Variants in FBLN2 observed in about 807,000 individuals in gnomAD.
The protein encoded by FBLN2 is fibulin-2.
Under a neutral mutation model 123.7 loss-of-function variants are expected in FBLN2, and 81 were observed. That is an observed-to-expected ratio of 0.65 (90% CI 0.55 to 0.79). The LOEUF (loss-of-function observed/expected upper bound fraction) is 0.79, where lower values mean the gene tolerates loss of function less well. Among genes scored for constraint, FBLN2 ranks in the 30% least tolerant of loss-of-function variants. FBLN2 has a pLI of 0.00. For synonymous variants in FBLN2, 699 were observed against 701.4 expected, an observed-to-expected ratio of 1.00 and a Z score of 0.05; for missense variants, 1,603 against 1,681.3, an observed-to-expected ratio of 0.95 and a Z score of 0.81.
chr3:13,555,935 T>C (rs973155834), intron 1 of FBLN2, among the ~76,000 whole-genome samples: 7 of 152,234 alleles, frequency 4.6e-5, no homozygotes, highest in African/African-American at 1.4e-4. Context: ...AACAGTCATC[T>C]CTATCCCTGC....
At chr3:13,629,391 G>C (rs928343308) in intron 13 of FBLN2, 99 bp downstream of exon 13, 21 of 1,428,202 alleles carry the variant, frequency 1.5e-5, no homozygotes, top group Admixed American at 4.6e-5. Flanking sequence ...CACTGCCTGA[G>C]TGGGGCCCAC....
rs200715296 is a variant in FBLN2, at chr3:13,570,793, C to T, written c.438C>T (p.Tyr146=). 7.2e-4 allele frequency: 1,156 copies of T among 1,595,166 alleles called. 3 individuals are homozygous for T. The highest frequency in any genetic ancestry group is 9.5e-4 in the African/African-American group (71 of 74,640). The change falls in exon 2 of 18, where the codon TAC becomes TAT. Residue 146 remains tyrosine (Y), a synonymous_variant. Coordinates refer to ENST00000404922, the MANE Select transcript of FBLN2 (RefSeq NM_001004019.2). The part of the protein sequence containing the change: ...QVGCVHAGHK[Y]AAGHTVHLPP... ...GCTGCGTCCACGCGGGCCACAAGTA[C>T]GCCGCTGGCCACACTGTTCACCTGC...
chr3:13,576,720 T>TTC (rs1012315095), intron 2 of FBLN2, among the ~76,000 whole-genome samples: 6 of 135,948 alleles, frequency 4.4e-5, no homozygotes, highest in East Asian at 4.2e-4. Flanking sequence ...GTCAGGGGGA[T>TTC]CCCCCCCCCC....
chr3:13,566,350 T>C, intron 1 of FBLN2: 1 of 152,490 alleles, frequency 6.6e-6, no homozygotes, highest in Non-Finnish European at 1.5e-5. Flanking sequence ...CCCTGCTTGC[T>C]TATCTCTGGC....
At chr3:13,578,085 C>T (rs1301949206) in intron 2 of FBLN2, among the ~76,000 whole-genome samples, 1 of 152,256 alleles carries the variant, frequency 6.6e-6, no homozygotes, top group Non-Finnish European at 1.5e-5. Flanking sequence ...GCGTGCATTT[C>T]ACAGCCGGAC....
chr3:13,633,308 G>A (rs905064125), intron 16 of FBLN2, among the ~76,000 whole-genome samples: 16 of 152,342 alleles, frequency 1.1e-4, no homozygotes, highest in Admixed American at 3.9e-4. Flanking sequence ...CTGCCCCGAC[G>A]ACTTGCTCTG....
At chr3:13,637,019 G>C (rs542533472) in intron 17 of FBLN2, among the ~76,000 whole-genome samples, 1 of 152,308 alleles carries the variant, frequency 6.6e-6, no homozygotes, top group South Asian at 2.1e-4. Context: ...CCTCAGCTCC[G>C]CATCACATGA....
At chr3:13,613,851 C>T in intron 4 of FBLN2, 133 bp from the exon 5 acceptor site, 1 of 997,020 alleles carries the variant, frequency 1.0e-6, no homozygotes, top group South Asian at 1.8e-5. Context: ...GACCCCTCTG[C>T]CCTGGGAGAG....
At position 13,636,419 on chromosome 3, in the gene FBLN2, C is replaced by G. The variant is rs992525469; in HGVS notation, c.3215-26C>G. 1.9e-6 allele frequency: 3 copies of G among 1,611,692 alleles called. No homozygotes were observed. The African/African-American group carries it at 4.0e-5, about 22-fold the overall frequency. On this transcript the variant is annotated intron_variant, in intron 16 of 17. Transcript: ENST00000404922. The stretch of plus-strand genomic sequence containing the variant: ...GCTGGGTCCCCCAGCTGTGGGGACC[C>G]TGCCATTGCCCCTCTTCTCCCCCAG...
rs571785381 is a variant in FBLN2, at chr3:13,571,320, A to G, written c.965A>G (p.Glu322Gly). ...GGACCCAGTCTTCCTATCCAGGAGG[A>G]GAGGGCAGAAGCTGGGGCAAGGGCA... The part of the protein sequence containing the change: ...PAGPSLPIQE[E>G]RAEAGARAEA... The change falls in exon 2 of 18, where the codon GAG (glutamate) becomes GGG (glycine). Residue 322 changes from glutamate to glycine, a missense_variant. Transcript: ENST00000404922. 6 of 1,602,556 alleles carry G rather than the reference A, an allele frequency of 3.7e-6. No individual in the cohort carries two copies. The Admixed American group carries it at 6.9e-5, about 18-fold the overall frequency.
chr3:13,578,780 T>G (rs1251334059), intron 2 of FBLN2, among the ~76,000 whole-genome samples: 1 of 152,112 alleles, frequency 6.6e-6, no homozygotes, highest in East Asian at 1.9e-4. Context: ...TGAGGCCGGG[T>G]GTGGTGGCTC....
At chr3:13,560,531 C>A (rs1481122053) in intron 1 of FBLN2, among the ~76,000 whole-genome samples, 1 of 152,168 alleles carries the variant, frequency 6.6e-6, no homozygotes, top group Non-Finnish European at 1.5e-5. Context: ...CAGAAAGGAC[C>A]ACAGACCTCT....
At chr3:13,595,643 A>G (rs965480153) in intron 2 of FBLN2, among the ~76,000 whole-genome samples, 1 of 152,112 alleles carries the variant, frequency 6.6e-6, no homozygotes, top group Non-Finnish European at 1.5e-5. Context: ...GGCCTGGCGG[A>G]GATGGCCCTG....
chr3:13,587,273 C>A (rs1385920151), intron 2 of FBLN2, among the ~76,000 whole-genome samples: 1 of 151,660 alleles, frequency 6.6e-6, no homozygotes, highest in Non-Finnish European at 1.5e-5. Flanking sequence ...AGCGTTATTA[C>A]AAAAGGGTAA....
At chr3:13,552,314 T>C (rs2167195) in intron 1 of FBLN2, among the ~76,000 whole-genome samples, 121,420 of 152,002 alleles carry the variant, frequency 0.8, 49,065 homozygotes, top group East Asian at 1. Context: ...AGATTTGGAC[T>C]GACTTTGCAG....
chr3:13,633,954 A>ACACACACACACACACACAC (rs1706354642), intron 16 of FBLN2, among the ~76,000 whole-genome samples: 8 of 112,904 alleles, frequency 7.1e-5, no homozygotes, highest in Admixed American at 7.0e-4. Context: ...ACACACTGCA[A>ACACACACACACACACACAC]ACACACACAC....
In FBLN2 at chr3:13,552,760, G is replaced by A. The variant is rs374674657; in HGVS notation, c.-42+3552G>A. On this transcript the variant is annotated intron_variant, in intron 1 of 17. Transcript: ENST00000404922. ...CAGGGAGGGGCTCCCTGGAGTTGGC[G>A]TTCCTGCTTTAGCAGCTCTATGAAA... Among the ~76,000 whole-genome samples, 9 of 152,152 alleles carry A rather than the reference G, an allele frequency of 5.9e-5. No individual in the cohort carries two copies. The East Asian group carries it at 9.7e-4, about 16-fold the overall frequency.
chr3:13,616,433 G>A (rs1705606890), intron 5 of FBLN2, among the ~76,000 whole-genome samples: 1 of 152,192 alleles, frequency 6.6e-6, no homozygotes, highest in African/African-American at 2.4e-5. Context: ...TGTCTAGCCT[G>A]TGGTGTGCTA....
At chr3:13,600,862 C>T (rs529408354) in intron 2 of FBLN2, among the ~76,000 whole-genome samples, 37 of 152,274 alleles carry the variant, frequency 2.4e-4, no homozygotes, top group Middle Eastern at 3.4e-3. Context: ...GTGATCCGCC[C>T]ACCTCGGCCT....
Sources: gnomAD v4.1 joint callset for allele counts (sites outside exome capture counted in the v4.1 genomes callset) on GRCh38, gnomAD v4.1.1 for gene constraint, MANE v1.5 for transcripts, NCBI Gene and HGNC (gene_info 2026-07-23, HGNC 2026-07-21) for gene names.